Variants in GPCPD1 observed in about 807,000 individuals in gnomAD.
GPCPD1 encodes glycerophosphocholine phosphodiesterase 1.
In GPCPD1, 29 loss-of-function variants were observed where a neutral mutation model predicts 89.2. The observed-to-expected ratio is 0.33, with a 90% confidence interval of 0.24 to 0.44. The LOEUF is 0.44. Among genes scored for constraint, GPCPD1 ranks in the 20% least tolerant of loss-of-function variants. The probability of loss-of-function intolerance (pLI) is 1.00; values close to 1 mark genes in which losing one functional copy is unlikely to be tolerated. For missense variants in GPCPD1, 594 were observed against 808.9 expected (o/e 0.73, Z 3.22); for synonymous variants, 258 against 266.3 (o/e 0.97, Z 0.30).
intron 19 of GPCPD1, among the ~76,000 whole-genome samples, chr20:5,551,426 A>C (rs1026825274): frequency 1.3e-5 from 2 of 152,220 alleles, no homozygotes; most frequent in African/African-American, 4.8e-5. Context: ...TACTATCAAT[A>C]ATGTTCACAG....
intron 3 of GPCPD1, among the ~76,000 whole-genome samples, chr20:5,597,486 T>G (rs1048781699): frequency 3.9e-5 from 6 of 152,354 alleles, no homozygotes; most frequent in Non-Finnish European, 7.3e-5. Context: ...TGCTCTCAGT[T>G]TTTGTATTTC....
At chr20:5,587,587 C>T (rs1371458184) in intron 4 of GPCPD1, among the ~76,000 whole-genome samples, 4 of 152,070 alleles carry the variant, frequency 2.6e-5, no homozygotes, top group Admixed American at 6.6e-5. Flanking sequence ...AGGCTAGTCT[C>T]GAACTCCTAA....
chr20:5,557,198 CTG>C (rs1362701995), intron 19 of GPCPD1, among the ~76,000 whole-genome samples: 2 of 152,144 alleles, frequency 1.3e-5, no homozygotes, highest in Admixed American at 6.5e-5. Flanking sequence ...ACACAGAAAA[CTG>C]TGGGAGAGTT....
At chr20:5,591,930 G>GC (rs1979355798) in intron 4 of GPCPD1, among the ~76,000 whole-genome samples, 1 of 152,182 alleles carries the variant, frequency 6.6e-6, no homozygotes, top group African/African-American at 2.4e-5. Context: ...GTAAACTTTT[G>GC]CAAGTATTAC....
At chr20:5,565,491 A>T (rs1406814243) in intron 14 of GPCPD1, among the ~76,000 whole-genome samples, 1 of 152,146 alleles carries the variant, frequency 6.6e-6, no homozygotes, top group African/African-American at 2.4e-5. Context: ...GGCTTCCAAA[A>T]CTGCTGGGAT....
rs752934839 is a variant in GPCPD1 at position 5,575,458 on chromosome 20, A to G, written c.956T>C (p.Leu319Ser). Residue 319 changes from leucine (L) to serine (S), a missense_variant, in exon 10 of 20, where the codon TTG becomes TCG. Transcript: ENST00000379019. ...TCCTGCACCTCGATGGCCAACATCCAATGGTATTCTTGGCTTCCAATACTT... is the reference window on the plus strand; with the variant it reads ...TCCTGCACCTCGATGGCCAACATCCGATGGTATTCTTGGCTTCCAATACTT... ...FSKYWKPRIP[L>S]DVGHRGAGNS... 6.2e-7 allele frequency: 1 copy of G among 1,607,814 alleles called. No individual in the cohort carries two copies. Among genetic ancestry groups the G allele is most frequent in the Non-Finnish European group, 8.5e-7 (1 of 1,174,304 alleles).
chr20:5,569,903 T>C (rs1986609095), intron 12 of GPCPD1, among the ~76,000 whole-genome samples: 1 of 152,110 alleles, frequency 6.6e-6, no homozygotes, highest in Non-Finnish European at 1.5e-5. Flanking sequence ...ACCTGGAATG[T>C]CCCTTTTTTG....
At chr20:5,553,120 T>A (rs552514778) in intron 19 of GPCPD1, among the ~76,000 whole-genome samples, 2 of 152,344 alleles carry the variant, frequency 1.3e-5, no homozygotes, top group East Asian at 3.9e-4. Context: ...GTGACCACCC[T>A]GCATCCAGCA....
At chr20:5,600,918 A>G (rs1980088141) in intron 2 of GPCPD1, among the ~76,000 whole-genome samples, 1 of 152,054 alleles carries the variant, frequency 6.6e-6, no homozygotes, top group Admixed American at 6.6e-5. Flanking sequence ...TGAACCTGGC[A>G]GGTGGAGGGT....
At chr20:5,553,903 G>GTAGACAAAACAGCCTT (rs1419942374) in intron 19 of GPCPD1, among the ~76,000 whole-genome samples, 5 of 99,598 alleles carry the variant, frequency 5.0e-5, no homozygotes, top group Admixed American at 9.1e-5. Flanking sequence ...TGGAGAAGCT[G>GTAGACAAAACAGCCTT]CAGTTAAGGT....
At chr20:5,549,226 CTCTACTGTG>C (rs1383210676) in intron 19 of GPCPD1, 2 of 736,068 alleles carry the variant, frequency 2.7e-6, no homozygotes, top group Non-Finnish European at 4.9e-6. Flanking sequence ...TGGCTAGAGA[CTCTACTGTG>C]TCTTATTGGA....
intron 19 of GPCPD1, chr20:5,549,521 G>A: frequency 2.8e-6 from 3 of 1,073,080 alleles, no homozygotes; most frequent in Non-Finnish European, 4.2e-6. Flanking sequence ...ATTCTCATAA[G>A]AGACCAAGTC....
chr20:5,566,295 C>T (rs1313747945), intron 14 of GPCPD1, among the ~76,000 whole-genome samples: 3 of 152,126 alleles, frequency 2.0e-5, no homozygotes, highest in South Asian at 2.1e-4. Flanking sequence ...CAATAAGCCT[C>T]ATATGAATGG....
At position 5,545,433 on chromosome 20, in the gene GPCPD1, C is replaced by G. The variant is rs929698650; in HGVS notation, c.*2228G>C. 2 of 152,164 alleles carry G rather than the reference C, an allele frequency of 1.3e-5. No homozygotes were observed. The highest frequency in any genetic ancestry group is 4.8e-5 in the African/African-American group (2 of 41,434). 9.4% of individuals were successfully genotyped at this position (152,164 alleles called of 1,614,324 possible). A position where few individuals can be genotyped will look rare whatever the true frequency, so the allele number is the denominator to read the frequency against. On this transcript the variant is annotated 3_prime_UTR_variant, in exon 20 of 20. Transcript: ENST00000379019. ...TGATCAAGGTACGAGCCGTGGAGCACAAAGACGGATTCATCCTTCCTGAAG... is the reference window on the plus strand; with the variant it reads ...TGATCAAGGTACGAGCCGTGGAGCAGAAAGACGGATTCATCCTTCCTGAAG...
rs551618353 is a variant in GPCPD1 at position 5,550,366 on chromosome 20, C to T, written c.1830-2516G>A. ...GAGCTATTTGATTCAAACAAAAAGA[C>T]TTCTATAAAGAAAAAAATCAAGAAA... On this transcript the variant is annotated intron_variant, in intron 19 of 19. Transcript: ENST00000379019. 9.1e-4 allele frequency among the ~76,000 whole-genome samples: 134 copies of T among 146,860 alleles called. 3 individuals are homozygous for T. In the South Asian group the frequency reaches 0.029, roughly 31 times the overall value.
At chr20:5,559,539 C>T (rs1349162754) in intron 17 of GPCPD1, among the ~76,000 whole-genome samples, 1 of 152,238 alleles carries the variant, frequency 6.6e-6, no homozygotes, top group Non-Finnish European at 1.5e-5. Flanking sequence ...GTCATCATCA[C>T]ACCACTGCAG....
In GPCPD1 at chr20:5,544,922, G is replaced by A. The variant is rs1017217373; in HGVS notation, c.*2739C>T. On this transcript the variant is annotated 3_prime_UTR_variant, in exon 20 of 20. Coordinates refer to ENST00000379019, the MANE Select transcript of GPCPD1 (RefSeq NM_019593.5). ...AGACGACAGACAAGTGTCACAAGGA[G>A]CAACGGCAGAGAGGTGGGTGGGTGG... 1.3e-5 allele frequency: 2 copies of A among 152,190 alleles called. No homozygotes were observed. Among genetic ancestry groups the A allele is most frequent in the Admixed American group, 6.5e-5 (1 of 15,274 alleles). The allele number at this position is 152,190 out of a possible 1,614,324, so 9.4% of individuals were successfully genotyped here.
In GPCPD1 at chr20:5,586,252, A is replaced by G. The variant is rs1481225054; in HGVS notation, c.249T>C (p.Cys83=). The G allele has an allele frequency of 6.3e-7, 1 of 1,588,880 alleles. No homozygotes were observed. ...TCTCCCACTTGTGAACTATCACTTGACATGGACCACCGATAGTCTGCAATT... is the reference window on the plus strand; with the variant it reads ...TCTCCCACTTGTGAACTATCACTTGGCATGGACCACCGATAGTCTGCAATT... The part of the protein sequence containing the change: ...FLEPKTIGGP[C]QVIVHKWETH... Residue 83 remains cysteine, a synonymous_variant, in exon 5 of 20, where the codon TGT becomes TGC. Coordinates refer to ENST00000379019, the MANE Select transcript of GPCPD1 (RefSeq NM_019593.5).
At chr20:5,601,684 C>A (rs1980165579) in intron 2 of GPCPD1, among the ~76,000 whole-genome samples, 3 of 151,856 alleles carry the variant, frequency 2.0e-5, no homozygotes, top group Non-Finnish European at 4.4e-5. Context: ...TGTCTCTTAA[C>A]AACAAAAAAA....
Sources: allele counts gnomAD v4.1 joint callset (sites outside exome capture counted in the v4.1 genomes callset), GRCh38; gene constraint gnomAD v4.1.1; transcripts MANE v1.5; gene names NCBI Gene and HGNC (gene_info 2026-07-23, HGNC 2026-07-21).